The following CPEB1 variants were observed in gnomAD, a reference collection of about 807,000 sequenced individuals.
The protein encoded by CPEB1 is cytoplasmic polyadenylation element-binding protein 1.
A neutral mutation model predicts 65.8 loss-of-function variants in CPEB1; 7 were observed. The observed-to-expected ratio is 0.11, with a 90% CI of 0.06 to 0.20. The LOEUF is 0.20. Among genes scored for constraint, CPEB1 ranks in the 10% least tolerant of loss-of-function variants. CPEB1 has a pLI of 1.00. For synonymous variants in CPEB1, 262 were observed against 260.0 expected (o/e 1.01, Z -0.08); for missense variants, 551 against 712.2 (o/e 0.77, Z 2.58).
At chr15:82,631,649 G>A (rs1023115176) in intron 1 of CPEB1, among the ~76,000 whole-genome samples, 4 of 152,196 alleles carry the variant, frequency 2.6e-5, no homozygotes, top group Non-Finnish European at 5.9e-5. Flanking sequence ...GATCCTTGAG[G>A]AAGGATCTAT....
intron 2 of CPEB1, chr15:82,628,057 C>T (rs890200897): frequency 1.6e-6 from 1 of 615,672 alleles, no homozygotes; most frequent in Admixed American, 2.9e-5. Flanking sequence ...ATTACACATG[C>T]TACTCTACAG....
chr15:82,555,909 T>C lies in CPEB1; in HGVS notation c.901A>G (p.Ser301Gly). 11 of 1,613,784 alleles carry C rather than the reference T, an allele frequency of 6.8e-6. No homozygotes were observed. The highest frequency in any genetic ancestry group is 9.3e-6 in the Non-Finnish European group (11 of 1,179,856). The change falls in exon 6 of 13, where the codon AGC becomes GGC. Residue 301 changes from serine to glycine, a missense_variant. Coordinates refer to ENST00000684509, the MANE Select transcript of CPEB1 (RefSeq NM_001365242.1). ...DLLEAPKDPF[S>G]IEREARLHRQ... ...TGCAGCCTGGCCTCTCTCTCTATGC[T>C]GAAGGGGTCTTTGGGAGCTTCGAGG...
At chr15:82,545,872 C>G (rs1203446727) in intron 12 of CPEB1, among the ~76,000 whole-genome samples, 1 of 152,144 alleles carries the variant, frequency 6.6e-6, no homozygotes, top group Non-Finnish European at 1.5e-5. Flanking sequence ...GCCAGGCTTC[C>G]ATCATCTACA....
chr15:82,556,178 T>A, intron 5 of CPEB1, 56 bp from the exon 6 acceptor site: 1 of 1,492,362 alleles, frequency 6.7e-7, no homozygotes, highest in Non-Finnish European at 8.9e-7. Flanking sequence ...TATAAAGTAA[T>A]AATCACATTA....
intron 3 of CPEB1, among the ~76,000 whole-genome samples, chr15:82,626,853 T>C (rs1052925204): frequency 6.6e-6 from 1 of 152,232 alleles, no homozygotes; most frequent in African/African-American, 2.4e-5. Flanking sequence ...AAATAAAATA[T>C]TAATTTCATC....
chr15:82,571,319 A>G (rs2039994081), intron 4 of CPEB1, 25 bp downstream of exon 4: 3 of 1,599,194 alleles, frequency 1.9e-6, no homozygotes, highest in Non-Finnish European at 2.6e-6. Context: ...CCCTTACCCC[A>G]GCCAACTCAT....
rs1301433611 is a variant in CPEB1 at position 82,543,946 on chromosome 15, A to C, written c.*646T>G. On this transcript the variant is annotated 3_prime_UTR_variant, in exon 13 of 13. Coordinates refer to ENST00000684509, the MANE Select transcript of CPEB1 (RefSeq NM_001365242.1). The stretch of plus-strand genomic sequence containing the variant: ...CAGGAAAGAAAAAATATCTTGTTCC[A>C]AACGACTTAAAAACTGTTTTAAGGA... 3 of 152,350 alleles carry C rather than the reference A, an allele frequency of 2.0e-5. No homozygotes were observed. Among genetic ancestry groups the C allele is most frequent in the African/African-American group, 7.2e-5 (3 of 41,456 alleles). 9.4% of individuals were successfully genotyped at this position (152,350 alleles called of 1,614,324 possible). A position where few individuals can be genotyped will look rare whatever the true frequency, so the allele number is the denominator to read the frequency against.
At chr15:82,559,987 G>C (rs1479963826) in intron 4 of CPEB1, among the ~76,000 whole-genome samples, 4 of 152,324 alleles carry the variant, frequency 2.6e-5, no homozygotes, top group South Asian at 4.1e-4. Context: ...GGGAAGCTGA[G>C]GCACAAGAAT....
intron 1 of CPEB1, among the ~76,000 whole-genome samples, chr15:82,635,034 T>C (rs560341163): frequency 1.3e-5 from 2 of 152,234 alleles, no homozygotes; most frequent in Admixed American, 1.3e-4. Flanking sequence ...TTTATATTTT[T>C]AGTAGAGATG....
intron 9 of CPEB1, among the ~76,000 whole-genome samples, chr15:82,551,234 A>G (rs1027132153): frequency 6.6e-6 from 1 of 152,176 alleles, no homozygotes; most frequent in East Asian, 1.9e-4. Flanking sequence ...CCATCCCAAT[A>G]AAATAGGCAT....
intron 3 of CPEB1, among the ~76,000 whole-genome samples, chr15:82,589,343 A>T (rs1049592820): frequency 6.6e-6 from 1 of 152,220 alleles, no homozygotes; most frequent in African/African-American, 2.4e-5. Context: ...TTTCTGAGAG[A>T]GAGACCTCAA....
At chr15:82,602,371 T>C (rs986938467) in intron 3 of CPEB1, among the ~76,000 whole-genome samples, 81 of 152,168 alleles carry the variant, frequency 5.3e-4, no homozygotes, top group Non-Finnish European at 7.3e-4. Flanking sequence ...TTATAGTCTT[T>C]GGTAATGTAT....
intron 4 of CPEB1, among the ~76,000 whole-genome samples, chr15:82,560,333 A>G (rs1384029325): frequency 6.6e-6 from 1 of 152,064 alleles, no homozygotes; most frequent in Admixed American, 6.6e-5. Context: ...ATGAACAGTG[A>G]GGTAACAATT....
At chr15:82,565,654 C>A (rs950240679) in intron 4 of CPEB1, among the ~76,000 whole-genome samples, 2 of 152,178 alleles carry the variant, frequency 1.3e-5, no homozygotes, top group Non-Finnish European at 2.9e-5. Flanking sequence ...CAAGTATTAA[C>A]CTAGATGGAT....
At chr15:82,610,913 A>C (rs913335806) in intron 3 of CPEB1, among the ~76,000 whole-genome samples, 1 of 134,744 alleles carries the variant, frequency 7.4e-6, no homozygotes, top group African/African-American at 2.8e-5. Flanking sequence ...AGCCAAGATC[A>C]CGCCACTGCA....
intron 3 of CPEB1, among the ~76,000 whole-genome samples, chr15:82,579,329 T>C (rs10468217): frequency 0.52 from 78,200 of 151,816 alleles, 20,533 homozygotes; most frequent in African/African-American, 0.63. Context: ...GACATGGTGG[T>C]GTTTGTCTGT....
At chr15:82,576,503 G>T (rs1356872992) in intron 3 of CPEB1, among the ~76,000 whole-genome samples, 1 of 152,178 alleles carries the variant, frequency 6.6e-6, no homozygotes, top group Admixed American at 6.5e-5. Context: ...TATGGTGAAG[G>T]ATTTTGGGGT....
chr15:82,600,983 C>T (rs768181897), intron 3 of CPEB1, among the ~76,000 whole-genome samples: 28 of 143,610 alleles, frequency 1.9e-4, no homozygotes, highest in Non-Finnish European at 3.0e-4. Flanking sequence ...CCGCTCACTG[C>T]AACCTCCACC....
rs370232078 is a variant in CPEB1, at chr15:82,580,319, T to TAA, written c.272-8789_272-8788dup. On this transcript the variant is annotated intron_variant, in intron 3 of 12. Transcript: ENST00000684509. The stretch of plus-strand genomic sequence containing the variant: ...CTGGAGACAGAGCAAGACTCTGTCT[T>TAA]AAAAAAAAAAAAAAAGAAGAAGAAG... Among the ~76,000 whole-genome samples the TAA allele has an allele frequency of 1.6e-3, 213 of 133,530 alleles. No homozygotes were observed. The Middle Eastern group carries it at 0.02, about 12-fold the overall frequency. The allele number at this position is 133,530 out of a possible 152,430, so 87.6% of individuals were successfully genotyped here.
Sources: gnomAD v4.1 joint callset for allele counts (sites outside exome capture counted in the v4.1 genomes callset) on GRCh38, gnomAD v4.1.1 for gene constraint, MANE v1.5 for transcripts, NCBI Gene and HGNC (gene_info 2026-07-23, HGNC 2026-07-21) for gene names.